The following CDH8 variants were observed in gnomAD, a reference collection of about 807,000 sequenced individuals.
CDH8 encodes cadherin-8.
In CDH8, 17 loss-of-function variants were observed where a neutral mutation model predicts 68.1. The observed-to-expected ratio is 0.25, with a 90% CI of 0.17 to 0.37. The LOEUF (loss-of-function observed/expected upper bound fraction) is 0.37. CDH8 is among the 10% of genes least tolerant of loss of function. CDH8 has a pLI of 1.00. For missense variants in CDH8, 763 were observed against 999.3 expected (o/e 0.76, Z 3.19); for synonymous variants, 372 against 365.1 (o/e 1.02, Z -0.21).
chr16:61,839,225 G>A (rs1014292276), intron 4 of CDH8, among the ~76,000 whole-genome samples: 2 of 151,844 alleles, frequency 1.3e-5, no homozygotes, highest in African/African-American at 4.8e-5. Flanking sequence ...TTTCCTTTCT[G>A]TTTTGCTAGG....
chr16:61,896,367 C>A (rs1359502229), intron 3 of CDH8, among the ~76,000 whole-genome samples: 1 of 152,206 alleles, frequency 6.6e-6, no homozygotes, highest in Non-Finnish European at 1.5e-5. Context: ...ACATTCATTT[C>A]AATTTAATAT....
intron 3 of CDH8, among the ~76,000 whole-genome samples, chr16:61,879,555 C>T (rs189971572): frequency 4.6e-4 from 70 of 152,304 alleles, no homozygotes; most frequent in Admixed American, 1.8e-3. Flanking sequence ...TGCACCTGTT[C>T]CCTGTCATCA....
At position 61,647,936 on chromosome 16, in the gene CDH8, G is replaced by A. The variant is rs1183906047; in HGVS notation, c.*5672C>T. On this transcript the variant is annotated 3_prime_UTR_variant, in exon 12 of 12. Coordinates refer to ENST00000577390, the MANE Select transcript of CDH8 (RefSeq NM_001796.5). ...CTATTATCTATTAGTAGGGATACTT[G>A]CAAGAAATAATACTTGCATTCAAGA... The A allele has an allele frequency of 1.5e-5, 10 of 675,830 alleles. No homozygotes were observed. The highest frequency in any genetic ancestry group is 2.7e-5 in the Non-Finnish European group (10 of 373,196). 41.9% of individuals were successfully genotyped at this position (675,830 alleles called of 1,614,324 possible). A position where few individuals can be genotyped will look rare whatever the true frequency, so the allele number is the denominator to read the frequency against.
At chr16:61,733,612 G>A (rs187234832) in intron 8 of CDH8, among the ~76,000 whole-genome samples, 4 of 151,808 alleles carry the variant, frequency 2.6e-5, no homozygotes, top group East Asian at 1.9e-4. Context: ...TCATAAAATC[G>A]TTCCTTGATA....
At chr16:61,907,034 T>C (rs1964073923) in intron 2 of CDH8, among the ~76,000 whole-genome samples, 2 of 152,222 alleles carry the variant, frequency 1.3e-5, no homozygotes, top group South Asian at 4.1e-4. Context: ...TTCAGTATCA[T>C]TCATATCCTT....
intron 2 of CDH8, among the ~76,000 whole-genome samples, chr16:61,910,935 A>G (rs904749174): frequency 6.6e-6 from 1 of 152,186 alleles, no homozygotes; most frequent in African/African-American, 2.4e-5. Context: ...TAATAAATAC[A>G]TGTTTGGTAC....
intron 3 of CDH8, among the ~76,000 whole-genome samples, chr16:61,883,956 A>AG (rs1405898860): frequency 9.4e-6 from 1 of 105,846 alleles, no homozygotes; most frequent in African/African-American, 5.6e-5. Context: ...AAACAGTAGA[A>AG]GGTTTTTTTT....
rs199621730 is a variant in CDH8, at chr16:61,670,764, G to GT, written c.1655-15044dup. 7.2e-4 allele frequency among the ~76,000 whole-genome samples: 108 copies of GT among 150,614 alleles called. 1 individual carries two copies. Among genetic ancestry groups the GT allele is most frequent in the Admixed American group, 1.9e-3 (28 of 15,058 alleles). ...GATAGCATTGAACCCTATATTTACT[G>GT]TTTTTTTTTCTTTTATCTGATTACC... On this transcript the variant is annotated intron_variant, in intron 10 of 11. Coordinates refer to ENST00000577390, the MANE Select transcript of CDH8 (RefSeq NM_001796.5).
intron 7 of CDH8, among the ~76,000 whole-genome samples, chr16:61,816,748 G>T (rs1180627982): frequency 6.6e-6 from 1 of 151,064 alleles, no homozygotes; most frequent in Non-Finnish European, 1.5e-5. Flanking sequence ...AAAGAAAAAA[G>T]ATGTGTACAG....
rs1902074050 is a variant in CDH8, at chr16:62,021,452, T to G, written c.-49A>C. The G allele has an allele frequency of 6.4e-7, 1 of 1,559,410 alleles. No homozygotes were observed. The highest frequency in any genetic ancestry group is 1.4e-5 in the African/African-American group (1 of 73,220). On this transcript the variant is annotated 5_prime_UTR_variant, in exon 2 of 12. Coordinates refer to ENST00000577390, the MANE Select transcript of CDH8 (RefSeq NM_001796.5). ...CCACGAAAATGAGACAATTATTTTT[T>G]TTGTCTCCGGTCTGCAGCCATCCAA...
intron 10 of CDH8, among the ~76,000 whole-genome samples, chr16:61,657,554 T>C (rs1963471402): frequency 6.6e-6 from 1 of 152,062 alleles, no homozygotes; most frequent in African/African-American, 2.4e-5. Flanking sequence ...ACCAGTAAGC[T>C]AAAAGCAAGG....
intron 2 of CDH8, among the ~76,000 whole-genome samples, chr16:61,934,549 C>A (rs1964597665): frequency 6.6e-6 from 1 of 152,212 alleles, no homozygotes; most frequent in South Asian, 2.1e-4. Flanking sequence ...TATTTTATTA[C>A]AGTATTTTAG....
chr16:61,815,730 TC>T (rs1962058564), intron 7 of CDH8, among the ~76,000 whole-genome samples: 2 of 152,154 alleles, frequency 1.3e-5, no homozygotes, highest in African/African-American at 4.8e-5. Context: ...GATTGGTGTC[TC>T]AGTTGAACCA....
At chr16:61,744,596 A>T (rs1049460872) in intron 8 of CDH8, among the ~76,000 whole-genome samples, 3 of 151,630 alleles carry the variant, frequency 2.0e-5, no homozygotes, top group African/African-American at 7.3e-5. Flanking sequence ...GTACTTTTTA[A>T]ATGTTTTTTA....
intron 4 of CDH8, among the ~76,000 whole-genome samples, chr16:61,856,112 A>C (rs1334073631): frequency 6.6e-6 from 1 of 152,122 alleles, no homozygotes; most frequent in Non-Finnish European, 1.5e-5. Flanking sequence ...TTAAATTTTT[A>C]ATTTAGTTAA....
intron 10 of CDH8, among the ~76,000 whole-genome samples, chr16:61,686,475 G>A (rs1964109950): frequency 6.6e-6 from 1 of 151,868 alleles, no homozygotes; most frequent in South Asian, 2.1e-4. Context: ...GTGTTCAAGT[G>A]GTACTTTTTA....
chr16:61,963,857 AG>A (rs1965200276), intron 2 of CDH8, among the ~76,000 whole-genome samples: 1 of 152,200 alleles, frequency 6.6e-6, no homozygotes, highest in African/African-American at 2.4e-5. Flanking sequence ...CACACTTTTA[AG>A]TTTGTTCAAA....
At chr16:61,838,992 C>A (rs1024746515) in intron 4 of CDH8, among the ~76,000 whole-genome samples, 1 of 152,020 alleles carries the variant, frequency 6.6e-6, no homozygotes, top group Admixed American at 6.6e-5. Context: ...GAAAGTACAG[C>A]ATAATAAGTG....
intron 3 of CDH8, among the ~76,000 whole-genome samples, chr16:61,866,226 T>TA (rs908958877): frequency 2.1e-3 from 291 of 135,548 alleles, no homozygotes; most frequent in South Asian, 2.4e-3. Flanking sequence ...CCTGTCTCAA[T>TA]AAAAAAAAAA....
Sources: gnomAD v4.1 joint callset for allele counts (sites outside exome capture counted in the v4.1 genomes callset) on GRCh38, gnomAD v4.1.1 for gene constraint, MANE v1.5 for transcripts, NCBI Gene and HGNC (gene_info 2026-07-23, HGNC 2026-07-21) for gene names.